The following CD48 variants were observed in gnomAD, a reference collection of about 807,000 sequenced individuals.
The protein encoded by CD48 is CD48 molecule.
A neutral mutation model predicts 22.0 loss-of-function variants in CD48; 20 were observed. The observed-to-expected ratio is 0.91, with a 90% CI of 0.64 to 1.32. The LOEUF (loss-of-function observed/expected upper bound fraction) is 1.32, where lower values mean the gene tolerates loss of function less well. Among genes scored for constraint, CD48 ranks in the 40% most tolerant of loss-of-function variants. The pLI, the probability that CD48 is intolerant of heterozygous loss-of-function variation, is 0.00. For missense variants in CD48, 307 were observed against 286.5 expected (o/e 1.07, Z -0.52); for synonymous variants, 110 against 110.1 (o/e 1.00, Z 0.01).
intron 1 of CD48, among the ~76,000 whole-genome samples, chr1:160,709,900 G>A (rs1387119712): frequency 6.6e-6 from 1 of 152,186 alleles, no homozygotes; most frequent in Admixed American, 6.5e-5. Flanking sequence ...GATCCACCAA[G>A]CAATTCACAA....
chr1:160,694,227 A>G (rs61801612), intron 1 of CD48, among the ~76,000 whole-genome samples: 1 of 127,538 alleles, frequency 7.8e-6, no homozygotes, highest in Non-Finnish European at 1.7e-5. Flanking sequence ...AAGGTTGGAA[A>G]TAGTGAAATA....
chr1:160,700,424 T>C (rs1242316073), intron 1 of CD48, among the ~76,000 whole-genome samples: 6 of 152,164 alleles, frequency 3.9e-5, no homozygotes, highest in Non-Finnish European at 8.8e-5. Flanking sequence ...CTAATTAATA[T>C]GGCTATTTGG....
At chr1:160,708,789 G>T (rs1662865603) in intron 1 of CD48, among the ~76,000 whole-genome samples, 1 of 152,110 alleles carries the variant, frequency 6.6e-6, no homozygotes, top group Admixed American at 6.6e-5. Flanking sequence ...TGGACTTTGT[G>T]CCCCTTCACC....
At chr1:160,689,178 T>C (rs1005505953) in intron 1 of CD48, among the ~76,000 whole-genome samples, 1 of 152,188 alleles carries the variant, frequency 6.6e-6, no homozygotes, top group African/African-American at 2.4e-5. Context: ...TCTAGGTGGA[T>C]GCAACCAGGT....
intron 1 of CD48, among the ~76,000 whole-genome samples, chr1:160,693,965 A>G (rs917288065): frequency 1.3e-5 from 2 of 152,256 alleles, no homozygotes; most frequent in African/African-American, 4.8e-5. Flanking sequence ...TTTATGTACT[A>G]TACAAGCAGT....
At chr1:160,683,518 C>CTTTTTTTTTT (rs200731122) in intron 2 of CD48, 1 of 137,334 alleles carries the variant, frequency 7.3e-6, no homozygotes. Flanking sequence ...CGCTTTAGGG[C>CTTTTTTTTTT]TTTTTTTTTT....
chr1:160,694,729 C>A (rs889484025), intron 1 of CD48, among the ~76,000 whole-genome samples: 1 of 151,958 alleles, frequency 6.6e-6, no homozygotes, highest in African/African-American at 2.4e-5. Context: ...AAATAAATCA[C>A]GGAAGAGAAG....
At chr1:160,697,129 C>T (rs1662456545) in intron 1 of CD48, among the ~76,000 whole-genome samples, 1 of 152,064 alleles carries the variant, frequency 6.6e-6, no homozygotes, top group Non-Finnish European at 1.5e-5. Context: ...GTAAAAAGAA[C>T]AGCCCACATG....
intron 2 of CD48, among the ~76,000 whole-genome samples, chr1:160,682,472 A>AC (rs1661843783): frequency 6.7e-6 from 1 of 149,284 alleles, no homozygotes; most frequent in Non-Finnish European, 1.5e-5. Context: ...AAAAAAAAAA[A>AC]AGAAGAAAGA....
chr1:160,708,690 C>A (rs115984802), intron 1 of CD48, among the ~76,000 whole-genome samples: 288 of 152,188 alleles, frequency 1.9e-3, no homozygotes, highest in African/African-American at 6.5e-3. Context: ...AGGTGGGGAA[C>A]AGTGGAGGAG....
intron 3 of CD48, chr1:160,680,535 T>C (rs1397797053): frequency 1.0e-6 from 1 of 986,828 alleles, no homozygotes; most frequent in Non-Finnish European, 1.2e-6. Context: ...TGACTGACTC[T>C]AAAACCCATG....
At chr1:160,695,284 G>C (rs983508259) in intron 1 of CD48, among the ~76,000 whole-genome samples, 1 of 152,302 alleles carries the variant, frequency 6.6e-6, no homozygotes, top group Non-Finnish European at 1.5e-5. Context: ...CAAGTTTTCA[G>C]ACTGTTATAT....
At chr1:160,679,617 C>T (rs1342156905) in intron 3 of CD48, among the ~76,000 whole-genome samples, 1 of 151,992 alleles carries the variant, frequency 6.6e-6, no homozygotes, top group African/African-American at 2.4e-5. Flanking sequence ...GGAAGGAAAG[C>T]TTAGATGCTG....
intron 3 of CD48, 176 bp downstream of exon 3, chr1:160,681,022 AGCTG>A: frequency 1.4e-6 from 2 of 1,469,636 alleles, no homozygotes; most frequent in South Asian, 2.7e-5. Context: ...AGTTGAGGTA[AGCTG>A]GCTGGGAGGT....
chr1:160,686,866 C>CACA, intron 1 of CD48, among the ~76,000 whole-genome samples: 2 of 152,168 alleles, frequency 1.3e-5, no homozygotes, highest in South Asian at 4.2e-4. Flanking sequence ...ACCACAGGAC[C>CACA]GAGGTGAAAT....
intron 1 of CD48, among the ~76,000 whole-genome samples, chr1:160,700,665 G>A (rs914135055): frequency 2.6e-5 from 4 of 152,080 alleles, no homozygotes; most frequent in South Asian, 2.1e-4. Flanking sequence ...TGTGGAGATT[G>A]GAATCTCCCC....
At chr1:160,697,258 G>T (rs1379444663) in intron 1 of CD48, among the ~76,000 whole-genome samples, 3 of 152,354 alleles carry the variant, frequency 2.0e-5, no homozygotes, top group Non-Finnish European at 2.9e-5. Flanking sequence ...TTCCTGTTTG[G>T]ATACCCACTA....
chr1:160,693,256 G>A (rs1329164699), intron 1 of CD48, among the ~76,000 whole-genome samples: 2 of 152,236 alleles, frequency 1.3e-5, no homozygotes. Context: ...TTGTGGCAAG[G>A]CTCCAAGATG....
chr1:160,691,903 C>CAAACTA, intron 1 of CD48: 1 of 301,760 alleles, frequency 3.3e-6, no homozygotes, highest in African/African-American at 2.2e-5. Context: ...GACAATGGGG[C>CAAACTA]AAACTAAAAC....
Sources: allele counts gnomAD v4.1 joint callset (sites outside exome capture counted in the v4.1 genomes callset), GRCh38; gene constraint gnomAD v4.1.1; transcripts MANE v1.5; gene names NCBI Gene and HGNC (gene_info 2026-07-23, HGNC 2026-07-21).